The following CRYBG1 variants were observed in gnomAD, a reference collection of about 807,000 sequenced individuals.
The protein encoded by CRYBG1 is crystallin beta-gamma domain containing 1, also known as beta/gamma crystallin domain-containing protein 1.
Under a neutral mutation model 189.2 loss-of-function variants are expected in CRYBG1, and 139 were observed. The observed-to-expected ratio is 0.73, with a 90% CI of 0.64 to 0.85. CRYBG1 has a LOEUF of 0.85. CRYBG1 is among the 40% of genes least tolerant of loss of function. CRYBG1 has a pLI of 0.00. For missense variants in CRYBG1, 2,611 were observed against 2,675.8 expected (o/e 0.98, Z 0.53); for synonymous variants, 1,023 against 1,017.1 (o/e 1.01, Z -0.11).
At chr6:106,499,172 A>G (rs1302123144) in intron 2 of CRYBG1, among the ~76,000 whole-genome samples, 2 of 121,296 alleles carry the variant, frequency 1.6e-5, no homozygotes, top group Admixed American at 9.8e-5. Flanking sequence ...TGCTTTTTTG[A>G]GACGGAGTCT....
At chr6:106,456,740 G>A (rs1050524727) in intron 2 of CRYBG1, among the ~76,000 whole-genome samples, 1 of 151,706 alleles carries the variant, frequency 6.6e-6, no homozygotes, top group African/African-American at 2.4e-5. Context: ...TTCCACAAAG[G>A]TCCACTGGTG....
At chr6:106,477,310 A>G (rs1255922833) in intron 2 of CRYBG1, among the ~76,000 whole-genome samples, 2 of 152,222 alleles carry the variant, frequency 1.3e-5, no homozygotes, top group Non-Finnish European at 2.9e-5. Flanking sequence ...AAAAGTACAG[A>G]AAGAGGAGGT....
At chr6:106,566,864 T>G (rs1405785980) in intron 21 of CRYBG1, among the ~76,000 whole-genome samples, 1 of 152,190 alleles carries the variant, frequency 6.6e-6, no homozygotes, top group Non-Finnish European at 1.5e-5. Context: ...TAAGAATTAT[T>G]AGATCATGCA....
At chr6:106,476,244 G>C (rs1459442466) in intron 2 of CRYBG1, among the ~76,000 whole-genome samples, 1 of 152,150 alleles carries the variant, frequency 6.6e-6, no homozygotes, top group Non-Finnish European at 1.5e-5. Context: ...TTAATATGAA[G>C]ATGTCACACG....
intron 7 of CRYBG1, among the ~76,000 whole-genome samples, chr6:106,528,704 CTTGTT>C (rs1289328425): frequency 1.3e-5 from 2 of 152,072 alleles, no homozygotes; most frequent in Non-Finnish European, 2.9e-5. Context: ...AACGAGATCT[CTTGTT>C]TTGTCTGATA....
chr6:106,434,718 T>G (rs1361376493), intron 1 of CRYBG1, among the ~76,000 whole-genome samples: 2 of 152,222 alleles, frequency 1.3e-5, no homozygotes, highest in Non-Finnish European at 2.9e-5. Flanking sequence ...GTATTACAAT[T>G]GCTGTGTGGC....
intron 4 of CRYBG1, among the ~76,000 whole-genome samples, chr6:106,523,085 A>C (rs1773648197): frequency 6.6e-6 from 1 of 152,226 alleles, no homozygotes; most frequent in Non-Finnish European, 1.5e-5. Flanking sequence ...ATGTCATCAC[A>C]CATCATGGAG....
chr6:106,407,666 T>C (rs952699671), intron 1 of CRYBG1, among the ~76,000 whole-genome samples: 2 of 152,110 alleles, frequency 1.3e-5, no homozygotes, highest in Non-Finnish European at 2.9e-5. Flanking sequence ...ATGGAAATCA[T>C]AACAAACAGT....
chr6:106,480,404 C>T (rs574638108), intron 2 of CRYBG1, among the ~76,000 whole-genome samples: 8 of 152,044 alleles, frequency 5.3e-5, no homozygotes, highest in Non-Finnish European at 7.4e-5. Context: ...GTGGCTCACA[C>T]CTGTAATCCC....
intron 16 of CRYBG1, 27 bp downstream of exon 16, chr6:106,553,594 C>G: frequency 1.4e-6 from 2 of 1,414,202 alleles, no homozygotes; most frequent in Non-Finnish European, 2.0e-6. Flanking sequence ...CCTGGCAGAG[C>G]TGAATCACTG....
At chr6:106,405,678 C>T in intron 1 of CRYBG1, among the ~76,000 whole-genome samples, 1 of 152,196 alleles carries the variant, frequency 6.6e-6, no homozygotes, top group South Asian at 2.1e-4. Context: ...ACAAATCTTC[C>T]AGAAGAAGGA....
chr6:106,519,060 A>G, intron 3 of CRYBG1, 71 bp from the exon 4 acceptor site: 2 of 1,481,142 alleles, frequency 1.4e-6, no homozygotes, highest in Non-Finnish European at 1.8e-6. Context: ...ATAGTTTTAT[A>G]ATTAATTGGT....
intron 1 of CRYBG1, among the ~76,000 whole-genome samples, chr6:106,412,944 A>T (rs1451577080): frequency 2.2e-5 from 2 of 90,196 alleles, no homozygotes; most frequent in African/African-American, 1.2e-4. Context: ...CAAATTCTTT[A>T]AAAAAAAAAA....
rs1167240000 is a variant in CRYBG1 at position 106,493,579 on chromosome 6, G to A, written c.313-17851G>A. 3.3e-5 allele frequency among the ~76,000 whole-genome samples: 5 copies of A among 152,280 alleles called. No homozygotes were observed. In the East Asian group the frequency reaches 9.6e-4, roughly 29 times the overall value. On this transcript the variant is annotated intron_variant, in intron 2 of 21. Coordinates refer to ENST00000633556, the MANE Select transcript of CRYBG1 (RefSeq NM_001371242.2). Reference sequence around the variant, plus strand: ...CATTATTCACAATAGTCAAGAGAAGGAAAGAAACCAAATGTCCATCAACAG... The same window carrying A: ...CATTATTCACAATAGTCAAGAGAAGAAAAGAAACCAAATGTCCATCAACAG...
intron 3 of CRYBG1, among the ~76,000 whole-genome samples, chr6:106,516,297 A>C (rs1276960833): frequency 6.6e-6 from 1 of 151,282 alleles, no homozygotes; most frequent in African/African-American, 2.4e-5. Context: ...GTAGTGGCAC[A>C]ATCTTGGCTC....
chr6:106,520,612 CTCCTCACT>C lies in CRYBG1; in HGVS notation c.3406_3413del (p.Pro1136CysfsTer15), dbSNP rs1226129032. On this transcript the variant is annotated frameshift_variant, in exon 4 of 22. Transcript: ENST00000633556. LOFTEE classifies it high-confidence loss of function. ...AAGGCCAGGATGCCAAACTCTCCTG[CTCCTCACT>C]TTGCCATGCCTCCTATTCACGAAGA... 6.2e-7 allele frequency: 1 copy of C among 1,614,220 alleles called. No homozygotes were observed. Among genetic ancestry groups the C allele is most frequent in the Admixed American group, 1.7e-5 (1 of 60,030 alleles).
chr6:106,392,739 C>T (rs914741066), intron 1 of CRYBG1, among the ~76,000 whole-genome samples: 4 of 151,646 alleles, frequency 2.6e-5, no homozygotes, highest in African/African-American at 9.7e-5. Flanking sequence ...GTGCTAAGAA[C>T]TGTTCGAATT....
At chr6:106,445,083 G>T (rs1323147173) in intron 1 of CRYBG1, among the ~76,000 whole-genome samples, 1 of 152,172 alleles carries the variant, frequency 6.6e-6, no homozygotes, top group Non-Finnish European at 1.5e-5. Flanking sequence ...ATGAGTAGAG[G>T]AGTGATATTC....
intron 1 of CRYBG1, among the ~76,000 whole-genome samples, chr6:106,368,048 CATATT>C (rs1448801857): frequency 6.6e-6 from 1 of 152,118 alleles, no homozygotes; most frequent in Non-Finnish European, 1.5e-5. Context: ...ATGTAGTAAA[CATATT>C]AGATATTGAA....
Sources: allele counts gnomAD v4.1 joint callset (sites outside exome capture counted in the v4.1 genomes callset), GRCh38; gene constraint gnomAD v4.1.1; transcripts MANE v1.5; gene names NCBI Gene and HGNC (gene_info 2026-07-23, HGNC 2026-07-21).